TAFA5: variants seen among roughly 807,000 people sequenced by gnomAD.
The protein encoded by TAFA5 is TAFA chemokine like family member 5, also known as chemokine-like protein TAFA-5.
TAFA5 carries 6 observed loss-of-function variants against 15.3 expected under a neutral mutation model. The observed-to-expected ratio is 0.39, with a 90% CI of 0.21 to 0.77. The LOEUF (loss-of-function observed/expected upper bound fraction) is 0.77, where lower values mean the gene tolerates loss of function less well. Ranked by LOEUF, TAFA5 falls within the 30% of genes least tolerant of loss-of-function variation. The pLI is 0.41. For synonymous variants in TAFA5, 103 were observed against 80.7 expected (o/e 1.28, Z -1.48); for missense variants, 161 against 193.1 (o/e 0.83, Z 0.98).
At chr22:48,748,464 G>A (rs954969362) in intron 3 of TAFA5, among the ~76,000 whole-genome samples, 1 of 152,230 alleles carries the variant, frequency 6.6e-6, no homozygotes, top group African/African-American at 2.4e-5. Flanking sequence ...GGCTGGCTGG[G>A]CCACAGGCAG....
At chr22:48,544,000 C>T (rs1178092776) in intron 1 of TAFA5, 1 of 151,996 alleles carries the variant, frequency 6.6e-6, no homozygotes, top group Non-Finnish European at 1.5e-5. Flanking sequence ...TCCAGGCAGC[C>T]CACACCATGG....
chr22:48,599,819 T>A (rs970858220), intron 1 of TAFA5, among the ~76,000 whole-genome samples: 1 of 152,098 alleles, frequency 6.6e-6, no homozygotes, highest in Non-Finnish European at 1.5e-5. Flanking sequence ...ATGTGGGGGG[T>A]TGAGCAGCAT....
chr22:48,743,621 G>T (rs1930243921), intron 3 of TAFA5, among the ~76,000 whole-genome samples: 1 of 152,208 alleles, frequency 6.6e-6, no homozygotes, highest in Non-Finnish European at 1.5e-5. Flanking sequence ...GCTGCCAGGT[G>T]CGTCCTCATT....
chr22:48,740,864 C>A (rs1401202579), intron 3 of TAFA5, among the ~76,000 whole-genome samples: 1 of 152,186 alleles, frequency 6.6e-6, no homozygotes, highest in Non-Finnish European at 1.5e-5. Context: ...CCCGCCCTCA[C>A]CCCTGAGAAC....
intron 1 of TAFA5, among the ~76,000 whole-genome samples, chr22:48,522,798 A>G (rs565031789): frequency 6.6e-6 from 1 of 152,206 alleles, no homozygotes; most frequent in African/African-American, 2.4e-5. Context: ...AGGAGCCCAC[A>G]TGCCCCCAGG....
chr22:48,562,263 G>T (rs1437405075), intron 1 of TAFA5, among the ~76,000 whole-genome samples: 3 of 151,884 alleles, frequency 2.0e-5, no homozygotes, highest in Non-Finnish European at 4.4e-5. Flanking sequence ...TCAGCCTCCT[G>T]AGTAGCTGGG....
chr22:48,509,836 A>G (rs1390392943), intron 1 of TAFA5, among the ~76,000 whole-genome samples: 2 of 151,866 alleles, frequency 1.3e-5, no homozygotes, highest in Non-Finnish European at 2.9e-5. Context: ...CTGTAGTCCC[A>G]GCTACTTGGG....
At chr22:48,702,636 C>T (rs1928946750) in intron 2 of TAFA5, among the ~76,000 whole-genome samples, 3 of 152,192 alleles carry the variant, frequency 2.0e-5, no homozygotes. Context: ...CTGCCCAGAG[C>T]CCACGTTTCA....
At chr22:48,690,606 G>A (rs1272779802) in intron 2 of TAFA5, among the ~76,000 whole-genome samples, 1 of 152,138 alleles carries the variant, frequency 6.6e-6, no homozygotes, top group Non-Finnish European at 1.5e-5. Context: ...TTATCTTTGT[G>A]GGCAATTCAC....
intron 1 of TAFA5, among the ~76,000 whole-genome samples, chr22:48,644,854 A>C (rs874087): frequency 5.9e-5 from 9 of 152,276 alleles, no homozygotes; most frequent in Middle Eastern, 3.4e-3. Context: ...CGCACCCACC[A>C]CGGCTTTCCT....
intron 1 of TAFA5, among the ~76,000 whole-genome samples, chr22:48,541,815 A>T (rs1192254861): frequency 1.3e-5 from 2 of 152,128 alleles, no homozygotes; most frequent in Admixed American, 6.5e-5. Flanking sequence ...CTTGAGTGCC[A>T]CCACCCGTGC....
intron 3 of TAFA5, among the ~76,000 whole-genome samples, chr22:48,713,359 G>C (rs1314439226): frequency 1.3e-5 from 2 of 152,256 alleles, no homozygotes; most frequent in Non-Finnish European, 2.9e-5. Context: ...GTGTGGTGTA[G>C]TCAGGCCATT....
chr22:48,611,220 G>C (rs1055029634), intron 1 of TAFA5, among the ~76,000 whole-genome samples: 2 of 152,156 alleles, frequency 1.3e-5, no homozygotes, highest in Non-Finnish European at 2.9e-5. Context: ...CAGGCGTGAG[G>C]CACCGCACTC....
intron 2 of TAFA5, among the ~76,000 whole-genome samples, chr22:48,666,385 A>G (rs985677929): frequency 4.8e-5 from 7 of 146,742 alleles, no homozygotes; most frequent in African/African-American, 7.6e-5. Flanking sequence ...TTAGGTTTAC[A>G]GAAAGAGAGC....
chr22:48,500,067 A>AGG (rs909006833), intron 1 of TAFA5, among the ~76,000 whole-genome samples: 11 of 152,130 alleles, frequency 7.2e-5, no homozygotes, highest in South Asian at 4.2e-4. Context: ...TGGTAAGATG[A>AGG]GGGGAGGTTA....
At chr22:48,570,217 GC>G (rs1923537135) in intron 1 of TAFA5, among the ~76,000 whole-genome samples, 1 of 152,224 alleles carries the variant, frequency 6.6e-6, no homozygotes. Flanking sequence ...GTATGATCAT[GC>G]CCGCTGAAAA....
At chr22:48,634,723 A>G (rs1007700172) in intron 1 of TAFA5, among the ~76,000 whole-genome samples, 1 of 151,062 alleles carries the variant, frequency 6.6e-6, no homozygotes, top group Admixed American at 6.6e-5. Flanking sequence ...CCTCTCATTC[A>G]TCTACTCATT....
intron 1 of TAFA5, among the ~76,000 whole-genome samples, chr22:48,623,153 C>G (rs1313993175): frequency 1.3e-5 from 2 of 152,228 alleles, no homozygotes; most frequent in Non-Finnish European, 2.9e-5. Context: ...TTGCAGGATG[C>G]CCTGACGGCG....
At position 48,560,478 on chromosome 22, in the gene TAFA5, C is replaced by A. The variant is rs1179689242; in HGVS notation, c.112+70774C>A. On this transcript the variant is annotated intron_variant, in intron 1 of 3. Coordinates refer to ENST00000402357, the MANE Select transcript of TAFA5 (RefSeq NM_001082967.3). The surrounding 1 kb of genome is among the most constrained non-coding windows in gnomAD (Gnocchi z 4.2). ...CGGGCAAGGACAGTGCCAGCAGGCGCCCCCAGTGTGAACTAATGTGAGGTG... is the reference window on the plus strand; with the variant it reads ...CGGGCAAGGACAGTGCCAGCAGGCGACCCCAGTGTGAACTAATGTGAGGTG... Among the ~76,000 whole-genome samples, 4 of 152,172 alleles carry A rather than the reference C, an allele frequency of 2.6e-5. No homozygotes were observed. The highest frequency in any genetic ancestry group is 9.7e-5 in the African/African-American group (4 of 41,430).
Sources: gnomAD v4.1 joint callset for allele counts (sites outside exome capture counted in the v4.1 genomes callset) on GRCh38, gnomAD v4.1.1 for gene constraint, Gnocchi (gnomAD v3.1) non-coding constraint, MANE v1.5 for transcripts, NCBI Gene and HGNC (gene_info 2026-07-23, HGNC 2026-07-21) for gene names.